Variants in NAALADL2 observed in about 807,000 individuals in gnomAD.
NAALADL2 encodes the protein inactive N-acetylated-alpha-linked acidic dipeptidase-like protein 2.
In NAALADL2, 76 loss-of-function variants were observed where a neutral mutation model predicts 87.2. The ratio of observed to expected loss-of-function variants is 0.87; its 90% CI spans 0.72 to 1.05. The LOEUF (loss-of-function observed/expected upper bound fraction) is 1.05. Ranked by LOEUF, NAALADL2 falls within the 50% of genes least tolerant of loss-of-function variation. NAALADL2 has a pLI of 0.00. For synonymous variants in NAALADL2, 354 were observed against 331.0 expected (o/e 1.07, Z -0.75); for missense variants, 1,089 against 945.8 (o/e 1.15, Z -1.99).
chr3:174,463,599 C>CT (rs57673935), intron 1 of NAALADL2, among the ~76,000 whole-genome samples: 51,924 of 121,450 alleles, frequency 0.43, 12,008 homozygotes, highest in Middle Eastern at 0.55. Context: ...TAAAGATTAT[C>CT]TTTTTTTTTT....
At chr3:174,778,166 T>C (rs1715450940) in intron 3 of NAALADL2, among the ~76,000 whole-genome samples, 1 of 152,106 alleles carries the variant, frequency 6.6e-6, no homozygotes, top group Non-Finnish European at 1.5e-5. Flanking sequence ...CTGTCCTCAA[T>C]GCCAAAGTTT....
intron 3 of NAALADL2, among the ~76,000 whole-genome samples, chr3:174,840,841 G>T (rs978194071): frequency 6.6e-6 from 1 of 152,070 alleles, no homozygotes; most frequent in Non-Finnish European, 1.5e-5. Context: ...CTAGCTGCTT[G>T]GGGGAAGGCT....
chr3:174,542,599 G>A (rs1016719952), intron 1 of NAALADL2, among the ~76,000 whole-genome samples: 1 of 152,148 alleles, frequency 6.6e-6, no homozygotes, highest in East Asian at 1.9e-4. Context: ...CCCAGGAAAG[G>A]TAAAAGCCAG....
chr3:175,440,424 G>A (rs1235887116), intron 5 of NAALADL2, among the ~76,000 whole-genome samples: 1 of 152,044 alleles, frequency 6.6e-6, no homozygotes, highest in Non-Finnish European at 1.5e-5. Flanking sequence ...TGTTAAGAAT[G>A]ATGGTGGTAT....
At position 175,715,759 on chromosome 3, in the gene NAALADL2, C is replaced by T. The variant is rs115479424; in HGVS notation, c.1897-21547C>T. On this transcript the variant is annotated intron_variant, in intron 11 of 13. Transcript: ENST00000454872. ...GGCATAGTGGCACATGCTGTAATCC[C>T]AGCTACTCAGAAGACTGAGGCACAA... Among the ~76,000 whole-genome samples, 591 of 152,144 alleles carry T rather than the reference C, an allele frequency of 3.9e-3. 3 individuals carry two copies. Among genetic ancestry groups the T allele is most frequent in the African/African-American group, 0.014 (563 of 41,520 alleles).
At chr3:174,732,556 C>A (rs770013719) in intron 2 of NAALADL2, among the ~76,000 whole-genome samples, 2 of 152,054 alleles carry the variant, frequency 1.3e-5, no homozygotes, top group Non-Finnish European at 2.9e-5. Context: ...CTAAGATAGT[C>A]CTTGCCTTCA....
chr3:174,675,276 G>A (rs2108812019), intron 2 of NAALADL2, among the ~76,000 whole-genome samples: 1 of 152,118 alleles, frequency 6.6e-6, no homozygotes, highest in Middle Eastern at 3.4e-3. Flanking sequence ...ACTATTTAGG[G>A]ATGACATTTG....
At chr3:174,800,392 C>T (rs1718681856) in intron 3 of NAALADL2, among the ~76,000 whole-genome samples, 1 of 152,156 alleles carries the variant, frequency 6.6e-6, no homozygotes, top group South Asian at 2.1e-4. Flanking sequence ...AAGCACCAAG[C>T]CTTGGCAGCT....
chr3:175,382,884 A>G (rs1250733828), intron 5 of NAALADL2, among the ~76,000 whole-genome samples: 1 of 152,140 alleles, frequency 6.6e-6, no homozygotes, highest in Non-Finnish European at 1.5e-5. Context: ...TAGCCTTTCA[A>G]TATTTGTAGC....
chr3:174,680,234 G>A (rs1036543715), intron 2 of NAALADL2, among the ~76,000 whole-genome samples: 10 of 152,062 alleles, frequency 6.6e-5, no homozygotes, highest in Non-Finnish European at 1.3e-4. Flanking sequence ...TATACATTTA[G>A]CCTTTAAGTT....
At chr3:174,444,021 A>G (rs1028131655) in intron 1 of NAALADL2, among the ~76,000 whole-genome samples, 2 of 144,734 alleles carry the variant, frequency 1.4e-5, no homozygotes, top group Non-Finnish European at 1.6e-5. Context: ...TTGAAAAGGG[A>G]GGGAGGAAAT....
chr3:175,455,149 C>T (rs1039145940), intron 6 of NAALADL2, among the ~76,000 whole-genome samples: 1 of 151,974 alleles, frequency 6.6e-6, no homozygotes, highest in Admixed American at 6.6e-5. Context: ...AAGTGGACAG[C>T]CAGGGAGGGT....
intron 5 of NAALADL2, among the ~76,000 whole-genome samples, chr3:175,367,732 T>C (rs1280160069): frequency 1.3e-5 from 2 of 152,210 alleles, no homozygotes; most frequent in Non-Finnish European, 2.9e-5. Flanking sequence ...CTGAAGTTGC[T>C]TATCAGCTTA....
intron 13 of NAALADL2, among the ~76,000 whole-genome samples, chr3:175,795,475 C>T (rs1211618403): frequency 6.7e-6 from 1 of 150,272 alleles, no homozygotes; most frequent in East Asian, 2.0e-4. Context: ...ATATTGAGAC[C>T]ATTCTGGCTA....
chr3:175,427,440 T>A (rs1421835664), intron 5 of NAALADL2, among the ~76,000 whole-genome samples: 1 of 152,210 alleles, frequency 6.6e-6, no homozygotes, highest in East Asian at 1.9e-4. Context: ...AATTATACAA[T>A]TATTAAATGA....
At chr3:175,198,949 C>T (rs529907296) in intron 2 of NAALADL2, among the ~76,000 whole-genome samples, 1 of 152,214 alleles carries the variant, frequency 6.6e-6, no homozygotes, top group South Asian at 2.1e-4. Flanking sequence ...CTGTTTTCAT[C>T]AGAAGCTCAG....
intron 1 of NAALADL2, among the ~76,000 whole-genome samples, chr3:175,014,549 T>C (rs186412455): frequency 1.3e-5 from 2 of 152,266 alleles, no homozygotes; most frequent in African/African-American, 2.4e-5. Context: ...AAATGAATAA[T>C]TGATGCAAAC....
chr3:174,609,202 A>G (rs958138224), intron 2 of NAALADL2, among the ~76,000 whole-genome samples: 12 of 152,182 alleles, frequency 7.9e-5, no homozygotes, highest in African/African-American at 2.4e-4. Context: ...CCCACAGCCA[A>G]TATCATATTG....
chr3:174,492,871 G>T (rs1718291289), intron 1 of NAALADL2, among the ~76,000 whole-genome samples: 1 of 152,020 alleles, frequency 6.6e-6, no homozygotes. Context: ...TTTAACCATT[G>T]TGCCCAGGGC....
Sources: gnomAD v4.1 joint callset for allele counts (sites outside exome capture counted in the v4.1 genomes callset) on GRCh38, gnomAD v4.1.1 for gene constraint, MANE v1.5 for transcripts, NCBI Gene and HGNC (gene_info 2026-07-23, HGNC 2026-07-21) for gene names.